Variants in POFUT3 observed in about 807,000 individuals in gnomAD.
POFUT3 encodes GDP-fucose protein O-fucosyltransferase 3.
chr8:33,312,642 T>A, the POFUT3 span, among the ~76,000 whole-genome samples: 1 of 152,158 alleles, frequency 6.6e-6, no homozygotes, highest in Non-Finnish European at 1.5e-5. Flanking sequence ...AAGCTCTTTG[T>A]CCACCCAGAT....
the POFUT3 span, chr8:33,338,949 G>C: frequency 6.6e-6 from 1 of 151,916 alleles, no homozygotes; most frequent in East Asian, 1.9e-4. Context: ...GCAAATTCAT[G>C]ATCAATGAAA....
the POFUT3 span, among the ~76,000 whole-genome samples, chr8:33,320,196 A>G: frequency 6.6e-6 from 1 of 151,992 alleles, no homozygotes; most frequent in Non-Finnish European, 1.5e-5. Flanking sequence ...GATTGCTAAG[A>G]CATATGGAAG....
chr8:33,360,969 T>C, the POFUT3 span: 2 of 152,242 alleles, frequency 1.3e-5, no homozygotes, highest in Non-Finnish European at 1.5e-5. Flanking sequence ...AGTAAACATC[T>C]GTGATGAAAC....
chr8:33,348,690 G>A, the POFUT3 span, among the ~76,000 whole-genome samples: 1 of 152,154 alleles, frequency 6.6e-6, no homozygotes. Flanking sequence ...GAAAAAACAG[G>A]AATCATTTAT....
chr8:33,461,544 AAC>A, the POFUT3 span: 1 of 1,595,188 alleles, frequency 6.3e-7, no homozygotes, highest in East Asian at 2.3e-5. Context: ...CACATGGAAG[AAC>A]CATCTGGGCG....
the POFUT3 span, among the ~76,000 whole-genome samples, chr8:33,309,153 A>T: frequency 5.2e-3 from 229 of 43,876 alleles, 2 homozygotes; most frequent in East Asian, 0.022. Context: ...AAAAAAAAAA[A>T]AAAAAAAAAA....
chr8:33,448,588 C>CA, the POFUT3 span, among the ~76,000 whole-genome samples: 3 of 151,972 alleles, frequency 2.0e-5, no homozygotes, highest in African/African-American at 7.2e-5. Flanking sequence ...CTCACCTTTA[C>CA]AAAAAAGAAG....
At chr8:33,365,102 C>A in the POFUT3 span, among the ~76,000 whole-genome samples, 1 of 152,126 alleles carries the variant, frequency 6.6e-6, no homozygotes, top group Non-Finnish European at 1.5e-5. Context: ...AGAAATAACA[C>A]CACACATCTA....
the POFUT3 span, among the ~76,000 whole-genome samples, chr8:33,437,738 G>T: frequency 6.6e-6 from 1 of 152,140 alleles, no homozygotes; most frequent in South Asian, 2.1e-4. Flanking sequence ...TTGAACAGGG[G>T]AGGCAGAGGT....
the POFUT3 span, among the ~76,000 whole-genome samples, chr8:33,353,304 A>T: frequency 6.6e-6 from 1 of 152,200 alleles, no homozygotes; most frequent in South Asian, 2.1e-4. Flanking sequence ...AGTGCAATGA[A>T]GACTGTGCCT....
At chr8:33,351,404 A>T in the POFUT3 span, among the ~76,000 whole-genome samples, 1 of 152,204 alleles carries the variant, frequency 6.6e-6, no homozygotes, top group African/African-American at 2.4e-5. Context: ...CAGATCTCTC[A>T]TGATAGATTA....
At chr8:33,360,408 C>T in the POFUT3 span, among the ~76,000 whole-genome samples, 4 of 149,880 alleles carry the variant, frequency 2.7e-5, no homozygotes, top group South Asian at 2.1e-4. Flanking sequence ...ATGGTGCCAC[C>T]GCGCTCCAGC....
At chr8:33,334,741 C>G in the POFUT3 span, among the ~76,000 whole-genome samples, 3 of 152,162 alleles carry the variant, frequency 2.0e-5, no homozygotes, top group African/African-American at 7.2e-5. Flanking sequence ...ACAGAACCAG[C>G]CTCTGTTTAC....
At chr8:33,466,324 A>G in the POFUT3 span, among the ~76,000 whole-genome samples, 103,751 of 151,924 alleles carry the variant, frequency 0.68, 36,261 homozygotes, top group African/African-American at 0.83. Flanking sequence ...AGCTACCTGG[A>G]AGGCTAAAGC....
At chr8:33,390,548 CAAAAAAA>C in the POFUT3 span, among the ~76,000 whole-genome samples, 8 of 87,854 alleles carry the variant, frequency 9.1e-5, no homozygotes, top group Non-Finnish European at 1.5e-4. Flanking sequence ...TGATTAACTG[CAAAAAAA>C]AAAAAAAAAA....
chr8:33,470,129 G>A, the POFUT3 span, among the ~76,000 whole-genome samples: 2 of 150,568 alleles, frequency 1.3e-5, no homozygotes, highest in African/African-American at 4.9e-5. Context: ...GCTTGGTGTC[G>A]TGGCTCATGC....
the POFUT3 span, among the ~76,000 whole-genome samples, chr8:33,462,376 C>T: frequency 2.0e-5 from 3 of 151,966 alleles, no homozygotes. Context: ...CAGGACTATC[C>T]ACCCACTCCC....
chr8:33,440,076 A>C, the POFUT3 span, among the ~76,000 whole-genome samples: 6 of 151,406 alleles, frequency 4.0e-5, no homozygotes, highest in Non-Finnish European at 8.8e-5. Flanking sequence ...CTAAAGTCAA[A>C]ATGCGACAGA....
At chr8:33,459,586 T>C in the POFUT3 span, among the ~76,000 whole-genome samples, 1 of 149,976 alleles carries the variant, frequency 6.7e-6, no homozygotes, top group Non-Finnish European at 1.5e-5. Flanking sequence ...GAAGTTGCAG[T>C]GAGCCGAGAT....
Sources: allele counts gnomAD v4.1 joint callset (sites outside exome capture counted in the v4.1 genomes callset), GRCh38; gene constraint gnomAD v4.1.1; transcripts MANE v1.5; gene names NCBI Gene and HGNC (gene_info 2026-07-23, HGNC 2026-07-21).